The following CAMSAP3 variants were observed in gnomAD, a reference collection of about 807,000 sequenced individuals.
CAMSAP3 encodes the protein calmodulin-regulated spectrin-associated protein 3.
Under a neutral mutation model 112.5 loss-of-function variants are expected in CAMSAP3, and 34 were observed. The observed-to-expected ratio is 0.30, with a 90% CI of 0.23 to 0.40. CAMSAP3 has a LOEUF of 0.40. Ranked by LOEUF, CAMSAP3 falls within the 10% of genes least tolerant of loss-of-function variation. The pLI, the probability that CAMSAP3 is intolerant of heterozygous loss-of-function variation, is 1.00. For missense variants in CAMSAP3, 1,602 were observed against 1,770.3 expected, an observed-to-expected ratio of 0.90 and a Z score of 1.71; for synonymous variants, 868 against 799.8, an observed-to-expected ratio of 1.09 and a Z score of -1.44.
At chr19:7,597,540 G>T (rs1368954185) in intron 1 of CAMSAP3, among the ~76,000 whole-genome samples, 1 of 152,174 alleles carries the variant, frequency 6.6e-6, no homozygotes, top group Non-Finnish European at 1.5e-5. Flanking sequence ...TATCTGTTTT[G>T]CGAATGTTTG....
At position 7,615,040 on chromosome 19, in the gene CAMSAP3, C is replaced by G; in HGVS notation, c.2671-143C>G. The G allele has an allele frequency of 1.0e-6, 1 of 954,608 alleles. No individual in the cohort carries two copies. Among genetic ancestry groups the G allele is most frequent in the South Asian group, 1.5e-5 (1 of 64,860 alleles). 59.1% of individuals were successfully genotyped at this position (954,608 alleles called of 1,614,324 possible). Reference sequence around the variant, plus strand: ...AGTACTTAGTGTGGGGCTGTGCATACAGTAGGCACCAACTAAGTGCATTTA... The same window carrying G: ...AGTACTTAGTGTGGGGCTGTGCATAGAGTAGGCACCAACTAAGTGCATTTA... On this transcript the variant is annotated intron_variant, in intron 11 of 16. Transcript: ENST00000160298. This position sits in a 1 kb window ranked among gnomAD's most constrained non-coding sequence, Gnocchi z 6.5.
chr19:7,604,413 C>G (rs1385005212), intron 1 of CAMSAP3, among the ~76,000 whole-genome samples: 1 of 152,098 alleles, frequency 6.6e-6, no homozygotes, highest in East Asian at 1.9e-4. Flanking sequence ...AGGATGTCCT[C>G]AAAGCCCCTC....
rs769025097 is a variant in CAMSAP3, at chr19:7,618,292, A to G, written c.*235A>G. 3.0e-4 allele frequency: 164 copies of G among 537,900 alleles called. No individual in the cohort carries two copies. Among genetic ancestry groups the G allele is most frequent in the Non-Finnish European group, 4.7e-4 (143 of 305,828 alleles). 33.3% of individuals were successfully genotyped at this position (537,900 alleles called of 1,614,324 possible). A position where few individuals can be genotyped will look rare whatever the true frequency, so the allele number is the denominator to read the frequency against. ...TCCTCCCCCACTTCTTGAATAAAAT[A>G]ATTTAAAGAGAAGTTGAACCTTGTC... On this transcript the variant is annotated 3_prime_UTR_variant, in exon 17 of 17. Transcript: ENST00000160298.
At chr19:7,608,833 C>T (rs942689072) in intron 5 of CAMSAP3, among the ~76,000 whole-genome samples, 1 of 151,768 alleles carries the variant, frequency 6.6e-6, no homozygotes, top group Admixed American at 6.6e-5. Context: ...CGGGTTTCAC[C>T]GTGTTGGCCA....
intron 5 of CAMSAP3, 85 bp downstream of exon 5, chr19:7,608,349 C>T (rs1207003479): frequency 1.0e-5 from 15 of 1,496,776 alleles, no homozygotes; most frequent in Middle Eastern, 1.8e-4. Context: ...TCCCCAGGTC[C>T]GCGAGACCAG....
Position 7,611,406 on chromosome 19 carries a change from T to G in CAMSAP3, c.1124-111T>G, listed in dbSNP as rs959436055. The G allele has an allele frequency of 1.4e-5, 15 of 1,068,084 alleles. No individual in the cohort carries two copies. Among genetic ancestry groups the G allele is most frequent in the Non-Finnish European group, 2.0e-5 (15 of 739,694 alleles). The allele number at this position is 1,068,084 out of a possible 1,614,324, so 66.2% of individuals were successfully genotyped here. A position where few individuals can be genotyped will look rare whatever the true frequency, so the allele number is the denominator to read the frequency against. On this transcript the variant is annotated intron_variant, in intron 9 of 16. Coordinates refer to ENST00000160298, the MANE Select transcript of CAMSAP3 (RefSeq NM_020902.2). The surrounding 1 kb of genome is among the most constrained non-coding windows in gnomAD (Gnocchi z 6.9). ...CCTCTGGTCTCACTAGACCACATAA[T>G]GAGCCATCAGTGACTCACCCAATGA...
intron 5 of CAMSAP3, 130 bp downstream of exon 5, chr19:7,608,394 A>T: frequency 9.0e-7 from 1 of 1,115,650 alleles, no homozygotes; most frequent in Non-Finnish European, 1.3e-6. Flanking sequence ...AGCTTCCGGA[A>T]CTGGCAGGCC....
intron 11 of CAMSAP3, among the ~76,000 whole-genome samples, chr19:7,613,645 G>C (rs1192684845): frequency 6.6e-6 from 1 of 151,936 alleles, no homozygotes; most frequent in Non-Finnish European, 1.5e-5. Flanking sequence ...GGAGAAACAG[G>C]GAGGAGTCAT....
intron 14 of CAMSAP3, among the ~76,000 whole-genome samples, chr19:7,616,931 C>T (rs1159104244): frequency 3.2e-5 from 4 of 123,344 alleles, no homozygotes; most frequent in East Asian, 2.3e-4. Context: ...GTGTGTGGCC[C>T]GCCTTTTTTT....
At position 7,617,013 on chromosome 19, in the gene CAMSAP3, A is replaced by G. The variant is rs529020607; in HGVS notation, c.3213-313A>G. ...GCCCAGGCTGGAGTGCAGTGGCGCA[A>G]TCTTGGCTCACGGCAACCTCCGCCC... On this transcript the variant is annotated intron_variant, in intron 14 of 16. Coordinates refer to ENST00000160298, the MANE Select transcript of CAMSAP3 (RefSeq NM_020902.2). The surrounding 1 kb of genome is among the most constrained non-coding windows in gnomAD (Gnocchi z 7.5). Among the ~76,000 whole-genome samples the G allele has an allele frequency of 3.4e-3, 481 of 139,448 alleles. 2 individuals are homozygous for G. Among genetic ancestry groups the G allele is most frequent in the African/African-American group, 0.013 (461 of 36,580 alleles). The allele number at this position is 139,448 out of a possible 152,430, so 91.5% of individuals were successfully genotyped here. A position where few individuals can be genotyped will look rare whatever the true frequency, so the allele number is the denominator to read the frequency against.
intron 11 of CAMSAP3, chr19:7,614,898 G>T: frequency 1.8e-6 from 1 of 551,392 alleles, no homozygotes; most frequent in East Asian, 3.1e-5. Flanking sequence ...TAGAGTGTCT[G>T]TGCCCAACAC....
chr19:7,612,062 C>T lies in CAMSAP3; in HGVS notation c.1569C>T (p.Pro523=), dbSNP rs1411949454. The stretch of plus-strand genomic sequence containing the variant: ...AAGCACCAGTGTACATGCCACACCC[C>T]GAGACCCCCTCGAAACCATCTCCCT... ...PTKAPVYMPH[P]ETPSKPSPCL... is the part of the protein sequence containing the mutation. Residue 523 remains proline, a synonymous_variant, in exon 11 of 17, where the codon CCC becomes CCT. Coordinates refer to ENST00000160298, the MANE Select transcript of CAMSAP3 (RefSeq NM_020902.2). 8 of 1,610,194 alleles carry T rather than the reference C, an allele frequency of 5.0e-6. No individual in the cohort carries two copies. The highest frequency in any genetic ancestry group is 1.1e-5 in the South Asian group (1 of 90,910).
At chr19:7,596,524 C>G (rs1268066562) in intron 1 of CAMSAP3, among the ~76,000 whole-genome samples, 1 of 149,988 alleles carries the variant, frequency 6.7e-6, no homozygotes, top group African/African-American at 2.5e-5. Context: ...ACGCCTTCTT[C>G]TCTTTTACAC....
intron 5 of CAMSAP3, among the ~76,000 whole-genome samples, chr19:7,608,589 C>T (rs966460780): frequency 5.9e-5 from 9 of 151,482 alleles, no homozygotes; most frequent in Admixed American, 2.0e-4. Context: ...ACTTCACAGA[C>T]GGCTCTAGCT....
chr19:7,615,009 T>C lies in CAMSAP3; in HGVS notation c.2671-174T>C. On this transcript the variant is annotated intron_variant, in intron 11 of 16. Coordinates refer to ENST00000160298, the MANE Select transcript of CAMSAP3 (RefSeq NM_020902.2). The surrounding 1 kb of genome is among the most constrained non-coding windows in gnomAD (Gnocchi z 6.5). ...CACCCAGTGTATCCCATCCCTGTTG[T>C]GTCCCAGTACTTAGTGTGGGGCTGT... is the stretch of plus-strand genomic sequence containing the variant. The C allele has an allele frequency of 1.4e-6, 1 of 719,440 alleles. No homozygotes were observed. Among genetic ancestry groups the C allele is most frequent in the Non-Finnish European group, 2.4e-6 (1 of 419,056 alleles). The allele number at this position is 719,440 out of a possible 1,614,324, so 44.6% of individuals were successfully genotyped here.
Position 7,605,309 on chromosome 19 carries a change from C to T in CAMSAP3, c.232C>T (p.Leu78=). Residue 78 remains leucine (L), a synonymous_variant, in exon 2 of 17, where the codon CTG becomes TTG. Transcript: ENST00000160298. The part of the protein sequence containing the change: ...EHVKPPVTRL[L]LSAELYCRAW... ...TGTGAAGCCCCCGGTGACACGGCTG[C>T]TGCTCTCAGCCGAGCTCTACTGCAG... The T allele has an allele frequency of 6.2e-7, 1 of 1,611,364 alleles. No individual in the cohort carries two copies. The highest frequency in any genetic ancestry group is 1.1e-5 in the South Asian group (1 of 90,694).
chr19:7,617,074 G>A lies in CAMSAP3; in HGVS notation c.3213-252G>A, dbSNP rs2030847682. ...AGTGATTCTCGTGCCTCAGCCTCCT[G>A]AGTAGCTGGGGTTACCCGTGCCTGT... On this transcript the variant is annotated intron_variant, in intron 14 of 16. Coordinates refer to ENST00000160298, the MANE Select transcript of CAMSAP3 (RefSeq NM_020902.2). This position sits in a 1 kb window ranked among gnomAD's most constrained non-coding sequence, Gnocchi z 7.5. Among the ~76,000 whole-genome samples the A allele has an allele frequency of 6.6e-6, 1 of 150,978 alleles. No individual in the cohort carries two copies. Among genetic ancestry groups the A allele is most frequent in the African/African-American group, 2.4e-5 (1 of 40,938 alleles).
rs1251765720 is a variant in CAMSAP3, at chr19:7,607,814, C to T, written c.622-312C>T. ...CCCCTTGCTGATGGCTGCTCCTCTC[C>T]CCCCAGCACGCAATTGCCTTCTGTT... On this transcript the variant is annotated intron_variant, in intron 4 of 16. Transcript: ENST00000160298. The surrounding 1 kb of genome is among the most constrained non-coding windows in gnomAD (Gnocchi z 4.9). 4 of 1,318,338 alleles carry T rather than the reference C, an allele frequency of 3.0e-6. No homozygotes were observed. The highest frequency in any genetic ancestry group is 2.5e-5 in the Admixed American group (1 of 39,416). 81.7% of individuals were successfully genotyped at this position (1,318,338 alleles called of 1,614,324 possible).
rs1205662168 is a variant in CAMSAP3 at position 7,599,392 on chromosome 19, CCATCCACCCATT to C, written c.148+3246_148+3257del. On this transcript the variant is annotated intron_variant, in intron 1 of 16. Coordinates refer to ENST00000160298, the MANE Select transcript of CAMSAP3 (RefSeq NM_020902.2). The stretch of plus-strand genomic sequence containing the variant: ...CCCACTCATCCATCCATCCACCCAT[CCATCCACCCATT>C]CATTCATCCATCCATCCATCCACCC... Among the ~76,000 whole-genome samples, 5 of 40,592 alleles carry C rather than the reference CCATCCACCCATT, an allele frequency of 1.2e-4. No homozygotes were observed. The East Asian group carries it at 2.1e-3, about 17-fold the overall frequency. The allele number at this position is 40,592 out of a possible 152,430, so 26.6% of individuals were successfully genotyped here.
Sources: allele counts gnomAD v4.1 joint callset (sites outside exome capture counted in the v4.1 genomes callset), GRCh38; gene constraint gnomAD v4.1.1; non-coding constraint Gnocchi (gnomAD v3.1); transcripts MANE v1.5; gene names NCBI Gene and HGNC (gene_info 2026-07-23, HGNC 2026-07-21).